Variants in IRF6 observed in about 807,000 individuals in gnomAD.
IRF6 encodes interferon regulatory factor 6.
IRF6 carries 6 observed loss-of-function variants against 51.4 expected under a neutral mutation model. The ratio of observed to expected loss-of-function variants is 0.12; its 90% CI spans 0.06 to 0.23. The LOEUF (loss-of-function observed/expected upper bound fraction) is 0.23, where lower values mean the gene tolerates loss of function less well. IRF6 is among the 10% of genes least tolerant of loss of function. The pLI, the probability that IRF6 is intolerant of heterozygous loss-of-function variation, is 1.00. For missense variants in IRF6, 348 were observed against 585.2 expected (o/e 0.59, Z 4.18); for synonymous variants, 178 against 215.7 (o/e 0.83, Z 1.53).
At chr1:209,791,044 A>G in intron 6 of IRF6, 157 bp from the exon 7 acceptor site, 11 of 985,418 alleles carry the variant, frequency 1.1e-5, no homozygotes, top group Non-Finnish European at 1.3e-5. Flanking sequence ...GGAGACATCA[A>G]CATATCCCTG....
intron 2 of IRF6, 52 bp downstream of exon 2, chr1:209,801,920 T>C (rs1055440805): frequency 2.6e-5 from 4 of 152,534 alleles, no homozygotes; most frequent in African/African-American, 9.7e-5. Context: ...ACCACCATGA[T>C]GAGGGAGAAG....
rs781410554 is a variant in IRF6 at position 209,796,337 on chromosome 1, TG to T, written c.379+10del. 5 of 1,612,924 alleles carry T rather than the reference TG, an allele frequency of 3.1e-6. No homozygotes were observed. Among genetic ancestry groups the T allele is most frequent in the Middle Eastern group, 1.8e-4 (1 of 5,690 alleles). ...TGCTGCCCACCTTCTCCCCAGCACC[TG>T]GGGCCTCACCTGGGTTAATGATCGA... is the stretch of plus-strand genomic sequence containing the variant. On this transcript the variant is annotated intron_variant, in intron 4 of 8. Coordinates refer to ENST00000367021, the MANE Select transcript of IRF6 (RefSeq NM_006147.4). The surrounding 1 kb of genome is among the most constrained non-coding windows in gnomAD (Gnocchi z 4.5).
rs200382025 is a variant in IRF6, at chr1:209,796,445, G to A, written c.282C>T (p.Asn94=). 15 of 1,613,990 alleles carry A rather than the reference G, an allele frequency of 9.3e-6. No individual in the cohort carries two copies. Among genetic ancestry groups the A allele is most frequent in the Non-Finnish European group, 1.3e-5 (15 of 1,180,010 alleles). Residue 94 remains asparagine, a synonymous_variant, in exon 4 of 9, where the codon AAC becomes AAT. Coordinates refer to ENST00000367021, the MANE Select transcript of IRF6 (RefSeq NM_006147.4). This position sits in a 1 kb window ranked among gnomAD's most constrained non-coding sequence, Gnocchi z 4.5. The stretch of plus-strand genomic sequence containing the variant: ...CCTCCTTGGTGCCATCATACATCAG[G>A]TTGAATTCTCTGCTCTTATTGAGAG... ...RCALNKSREF[N]LMYDGTKEVP... is the part of the protein sequence containing the mutation.
Position 209,790,658 on chromosome 1 carries a change from G to A in IRF6, c.897C>T (p.Asp299=). The change falls in exon 7 of 9, where the codon GAC becomes GAT. Residue 299 remains aspartate, a synonymous_variant. Transcript: ENST00000367021. This position sits in a 1 kb window ranked among gnomAD's most constrained non-coding sequence, Gnocchi z 4.8. ...CGCTGACCTCCAGGATCAGTCCTCT[G>A]TCCATGACGTCCAGCAGCTTGCTAG... is the stretch of plus-strand genomic sequence containing the variant. ...LFTSKLLDVM[D]RGLILEVSGH... is the part of the protein sequence containing the mutation. 1 of 1,614,228 alleles carries A rather than the reference G, an allele frequency of 6.2e-7. No homozygotes were observed. The highest frequency in any genetic ancestry group is 8.5e-7 in the Non-Finnish European group (1 of 1,180,044).
At chr1:209,788,667 G>T (rs2077849499) in intron 8 of IRF6, 23 bp from the exon 9 acceptor site, 1 of 1,580,458 alleles carries the variant, frequency 6.3e-7, no homozygotes, top group Non-Finnish European at 8.7e-7. Context: ...CAGAACACAG[G>T]TGTATCCTCT....
In IRF6 at chr1:209,796,297, G is replaced by C; in HGVS notation, c.379+51C>G. The stretch of plus-strand genomic sequence containing the variant: ...AAGTTGACTATCTCTTAAGAGTGCA[G>C]CCCAGAATCTGGCATGCTGCCCACC... On this transcript the variant is annotated intron_variant, in intron 4 of 8. Coordinates refer to ENST00000367021, the MANE Select transcript of IRF6 (RefSeq NM_006147.4). The surrounding 1 kb of genome is among the most constrained non-coding windows in gnomAD (Gnocchi z 4.5). 6.8e-7 allele frequency: 1 copy of C among 1,474,664 alleles called. No individual in the cohort carries two copies. Among genetic ancestry groups the C allele is most frequent in the Non-Finnish European group, 9.5e-7 (1 of 1,055,120 alleles). The allele number at this position is 1,474,664 out of a possible 1,614,324, so 91.3% of individuals were successfully genotyped here. A position where few individuals can be genotyped will look rare whatever the true frequency, so the allele number is the denominator to read the frequency against.
intron 3 of IRF6, among the ~76,000 whole-genome samples, chr1:209,800,035 G>T (rs1447505488): frequency 6.6e-6 from 1 of 152,164 alleles, no homozygotes; most frequent in African/African-American, 2.4e-5. Context: ...CCCAAAGCAT[G>T]AATCTTGAGA....
rs1050174407 is a variant in IRF6 at position 209,786,418 on chromosome 1, T to C, written c.*2002A>G. On this transcript the variant is annotated 3_prime_UTR_variant, in exon 9 of 9. Coordinates refer to ENST00000367021, the MANE Select transcript of IRF6 (RefSeq NM_006147.4). ...ACATTATCTGGGCTCCCACCCAGGC[T>C]ACAGATAGCCTGGCTGTTAGCACTT... 6 of 152,180 alleles carry C rather than the reference T, an allele frequency of 3.9e-5. No homozygotes were observed. Among genetic ancestry groups the C allele is most frequent in the African/African-American group, 1.4e-4 (6 of 41,440 alleles). 9.4% of individuals were successfully genotyped at this position (152,180 alleles called of 1,614,324 possible). A position where few individuals can be genotyped will look rare whatever the true frequency, so the allele number is the denominator to read the frequency against.
rs1243321063 is a variant in IRF6 at position 209,790,307 on chromosome 1, CT to C, written c.1060+187del. Among the ~76,000 whole-genome samples the C allele has an allele frequency of 2.6e-5, 4 of 152,220 alleles. No homozygotes were observed. The highest frequency in any genetic ancestry group is 7.2e-5 in the African/African-American group (3 of 41,462). ...GTACATAGCTTTGGAGTGAAACTCCCTTCTTTGTTGCCTAGGTCACCTCCAA... is the reference window on the plus strand; with the variant it reads ...GTACATAGCTTTGGAGTGAAACTCCCTCTTTGTTGCCTAGGTCACCTCCAA... On this transcript the variant is annotated intron_variant, in intron 7 of 8. Coordinates refer to ENST00000367021, the MANE Select transcript of IRF6 (RefSeq NM_006147.4). The surrounding 1 kb of genome is among the most constrained non-coding windows in gnomAD (Gnocchi z 4.8).
Position 209,796,541 on chromosome 1 carries a change from T to C in IRF6, c.186A>G (p.Val62=). ...EENTIFKAWA[V]ETGKYQEGVD... ...CCCCTTCCTGGTACTTCCCTGTCTC[T>C]ACAGCCCAGGCCTGAGAACAAGAAA... The change falls in exon 4 of 9, where the codon GTA becomes GTG. Residue 62 remains valine (V), a synonymous_variant. Coordinates refer to ENST00000367021, the MANE Select transcript of IRF6 (RefSeq NM_006147.4). The surrounding 1 kb of genome is among the most constrained non-coding windows in gnomAD (Gnocchi z 4.5). The C allele has an allele frequency of 6.2e-7, 1 of 1,612,784 alleles. No homozygotes were observed. Among genetic ancestry groups the C allele is most frequent in the East Asian group, 2.2e-5 (1 of 44,868 alleles).
At chr1:209,792,658 CTTTG>C in intron 5 of IRF6, 1 of 577,922 alleles carries the variant, frequency 1.7e-6, no homozygotes, top group Non-Finnish European at 3.1e-6. Flanking sequence ...TTTTAAAAAC[CTTTG>C]TTTGCTGAAG....
At position 209,796,272 on chromosome 1, in the gene IRF6, A is replaced by C; in HGVS notation, c.379+76T>G. 1.6e-6 allele frequency: 2 copies of C among 1,252,150 alleles called. No homozygotes were observed. The highest frequency in any genetic ancestry group is 2.3e-6 in the Non-Finnish European group (2 of 859,404). 77.6% of individuals were successfully genotyped at this position (1,252,150 alleles called of 1,614,324 possible). A position where few individuals can be genotyped will look rare whatever the true frequency, so the allele number is the denominator to read the frequency against. ...AAACTGTGTAAATCAGGCTGTTTTCAAGTTGACTATCTCTTAAGAGTGCAG... is the reference window on the plus strand; with the variant it reads ...AAACTGTGTAAATCAGGCTGTTTTCCAGTTGACTATCTCTTAAGAGTGCAG... On this transcript the variant is annotated intron_variant, in intron 4 of 8. Coordinates refer to ENST00000367021, the MANE Select transcript of IRF6 (RefSeq NM_006147.4). This position sits in a 1 kb window ranked among gnomAD's most constrained non-coding sequence, Gnocchi z 4.5.
At chr1:209,800,591 T>C (rs1340023803) in intron 3 of IRF6, among the ~76,000 whole-genome samples, 2 of 152,012 alleles carry the variant, frequency 1.3e-5, no homozygotes, top group Non-Finnish European at 2.9e-5. Context: ...ACCCCGTCTC[T>C]ACAGAAAAAA....
At chr1:209,798,595 C>A (rs185231751) in intron 3 of IRF6, among the ~76,000 whole-genome samples, 3 of 152,290 alleles carry the variant, frequency 2.0e-5, no homozygotes, top group Non-Finnish European at 4.4e-5. Context: ...AGAGCCGTAT[C>A]GTTTAAGACT....
rs549605423 is a variant in IRF6, at chr1:209,785,980, G to A, written c.*2440C>T. 2.5e-4 allele frequency: 38 copies of A among 152,314 alleles called. No individual in the cohort carries two copies. The highest frequency in any genetic ancestry group is 8.4e-4 in the African/African-American group (35 of 41,558). The allele number at this position is 152,314 out of a possible 1,614,324, so 9.4% of individuals were successfully genotyped here. The stretch of plus-strand genomic sequence containing the variant: ...ACCTCCAGTAGGTTCTTTTTAACTT[G>A]AACTAATCTTGTTTGGTGGGGTACA... On this transcript the variant is annotated 3_prime_UTR_variant, in exon 9 of 9. Coordinates refer to ENST00000367021, the MANE Select transcript of IRF6 (RefSeq NM_006147.4).
chr1:209,790,488 G>T lies in IRF6; in HGVS notation c.1060+7C>A. 1.9e-6 allele frequency: 3 copies of T among 1,613,384 alleles called. No individual in the cohort carries two copies. Among genetic ancestry groups the T allele is most frequent in the South Asian group, 2.2e-5 (2 of 90,976 alleles). On this transcript the variant is annotated splice_region_variant and intron_variant, in intron 7 of 8. Coordinates refer to ENST00000367021, the MANE Select transcript of IRF6 (RefSeq NM_006147.4). The surrounding 1 kb of genome is among the most constrained non-coding windows in gnomAD (Gnocchi z 4.8). ...TCCCACGATCAACTTTCTGAGAAAT[G>T]ACTTACCGCTAAGGAATGTTTCCAG...
Position 209,787,693 on chromosome 1 carries a change from C to G in IRF6, c.*727G>C, listed in dbSNP as rs903331093. On this transcript the variant is annotated 3_prime_UTR_variant, in exon 9 of 9. Coordinates refer to ENST00000367021, the MANE Select transcript of IRF6 (RefSeq NM_006147.4). ...GACAACCTATTCTTCCACAGAATCC[C>G]TAGGCTTTCTGTGTCAACAGCTTCC... 13 of 152,126 alleles carry G rather than the reference C, an allele frequency of 8.5e-5. No homozygotes were observed. The highest frequency in any genetic ancestry group is 2.9e-4 in the African/African-American group (12 of 41,346). 9.4% of individuals were successfully genotyped at this position (152,126 alleles called of 1,614,324 possible).
At chr1:209,798,279 T>C (rs2077916652) in intron 3 of IRF6, among the ~76,000 whole-genome samples, 2 of 152,222 alleles carry the variant, frequency 1.3e-5, no homozygotes, top group Non-Finnish European at 2.9e-5. Context: ...TCAACTTCAC[T>C]GGTCGCTGGT....
At chr1:209,800,025 C>A (rs535660469) in intron 3 of IRF6, among the ~76,000 whole-genome samples, 1 of 152,274 alleles carries the variant, frequency 6.6e-6, no homozygotes, top group Admixed American at 6.5e-5. Flanking sequence ...TCAGCAAGGA[C>A]CCAAAGCATG....
Sources: allele counts gnomAD v4.1 joint callset (sites outside exome capture counted in the v4.1 genomes callset), GRCh38; gene constraint gnomAD v4.1.1; non-coding constraint Gnocchi (gnomAD v3.1); transcripts MANE v1.5; gene names NCBI Gene and HGNC (gene_info 2026-07-23, HGNC 2026-07-21).